TRA2B: variants seen among roughly 807,000 people sequenced by gnomAD.
TRA2B encodes transformer 2 beta homolog.
TRA2B carries 14 observed loss-of-function variants against 41.7 expected under a neutral mutation model. The observed-to-expected ratio is 0.34, with a 90% CI of 0.22 to 0.53. TRA2B has a LOEUF of 0.53. Among genes scored for constraint, TRA2B ranks in the 20% least tolerant of loss-of-function variants. The pLI, the probability that TRA2B is intolerant of heterozygous loss-of-function variation, is 0.95. For synonymous variants in TRA2B, 130 were observed against 128.8 expected, an observed-to-expected ratio of 1.01 and a Z score of -0.06; for missense variants, 167 against 396.8, an observed-to-expected ratio of 0.42 and a Z score of 4.92.
rs1743520061 is a variant in TRA2B at position 185,916,883 on chromosome 3, A to G, written c.*832T>C. 1 of 152,338 alleles carries G rather than the reference A, an allele frequency of 6.6e-6. No individual in the cohort carries two copies. The highest frequency in any genetic ancestry group is 2.4e-5 in the African/African-American group (1 of 41,310). 9.4% of individuals were successfully genotyped at this position (152,338 alleles called of 1,614,324 possible). A position where few individuals can be genotyped will look rare whatever the true frequency, so the allele number is the denominator to read the frequency against. On this transcript the variant is annotated 3_prime_UTR_variant, in exon 9 of 9. Coordinates refer to ENST00000453386, the MANE Select transcript of TRA2B (RefSeq NM_004593.3). ...AGTCTTCAGTTCATCCATGACAGGT[A>G]TAGTGTTCCCTTATCATGTACTTTG...
At chr3:185,935,148 G>A (rs781643802) in intron 1 of TRA2B, 28 of 985,272 alleles carry the variant, frequency 2.8e-5, no homozygotes, top group Non-Finnish European at 3.4e-5. Flanking sequence ...GTGACTTAAA[G>A]GCCAGGAGTG....
chr3:185,920,564 TA>T (rs1385970514), intron 6 of TRA2B, among the ~76,000 whole-genome samples: 1 of 152,152 alleles, frequency 6.6e-6, no homozygotes, highest in Non-Finnish European at 1.5e-5. Flanking sequence ...TTCATTTATT[TA>T]TTTTTTTTTT....
chr3:185,925,757 G>A (rs1390698809), intron 2 of TRA2B, 131 bp from the exon 3 acceptor site: 59 of 897,978 alleles, frequency 6.6e-5, no homozygotes, highest in Non-Finnish European at 8.8e-5. Context: ...AATTTAGTAG[G>A]ATCAATACTT....
intron 1 of TRA2B, chr3:185,926,988 G>T: frequency 2.6e-6 from 1 of 388,320 alleles, no homozygotes; most frequent in East Asian, 5.5e-5. Flanking sequence ...CTTCAGAAAG[G>T]GGTGCCAAAG....
At chr3:185,930,559 T>C (rs1450936874) in intron 1 of TRA2B, among the ~76,000 whole-genome samples, 1 of 152,192 alleles carries the variant, frequency 6.6e-6, no homozygotes, top group African/African-American at 2.4e-5. Flanking sequence ...ATGATACCCT[T>C]GGCATTCTCA....
rs1476126626 is a variant in TRA2B, at chr3:185,926,573, G to A, written c.170+28C>T. 5 of 1,612,460 alleles carry A rather than the reference G, an allele frequency of 3.1e-6. No individual in the cohort carries two copies. The South Asian group carries it at 4.4e-5, about 14-fold the overall frequency. ...CACCAATTTCAGAGCTAAGAGTAACGAGGAAATCTCAAGACAGTCTTTCTT... is the reference window on the plus strand; with the variant it reads ...CACCAATTTCAGAGCTAAGAGTAACAAGGAAATCTCAAGACAGTCTTTCTT... On this transcript the variant is annotated intron_variant, in intron 2 of 8. Transcript: ENST00000453386.
In TRA2B at chr3:185,935,075, C is replaced by T. The variant is rs542506492; in HGVS notation, c.36+2750G>A. Reference sequence around the variant, plus strand: ...ATCTCACACAACCTATACGCTGTGACCATTATTGGGCTCTAAAGATTACCC... The same window carrying T: ...ATCTCACACAACCTATACGCTGTGATCATTATTGGGCTCTAAAGATTACCC... On this transcript the variant is annotated intron_variant, in intron 1 of 8. Transcript: ENST00000453386. 3.2e-5 allele frequency: 32 copies of T among 985,394 alleles called. No individual in the cohort carries two copies. The South Asian group carries it at 1.3e-3, about 40-fold the overall frequency. 61.0% of individuals were successfully genotyped at this position (985,394 alleles called of 1,614,324 possible).
intron 1 of TRA2B, chr3:185,935,820 C>G (rs1013110659): frequency 4.1e-6 from 4 of 985,206 alleles, no homozygotes; most frequent in Middle Eastern, 5.2e-4. Context: ...CACGCAAACA[C>G]CAAACACAAC....
At chr3:185,926,377 G>A (rs781238978) in intron 2 of TRA2B, among the ~76,000 whole-genome samples, 1 of 152,160 alleles carries the variant, frequency 6.6e-6, no homozygotes, top group African/African-American at 2.4e-5. Context: ...AGCTAAAGCT[G>A]AAAGGTTAAT....
At chr3:185,925,973 T>C (rs1464485866) in intron 2 of TRA2B, among the ~76,000 whole-genome samples, 1 of 152,164 alleles carries the variant, frequency 6.6e-6, no homozygotes, top group Non-Finnish European at 1.5e-5. Flanking sequence ...ATGCCCACCA[T>C]TAATTTAATA....
At chr3:185,936,031 C>A (rs1484886799) in intron 1 of TRA2B, 26 of 985,298 alleles carry the variant, frequency 2.6e-5, no homozygotes, top group Admixed American at 6.1e-5. Context: ...AGCCGAGTCT[C>A]AAACTGGAAC....
At position 185,921,176 on chromosome 3, in the gene TRA2B, C is replaced by T. The variant is rs1167436888; in HGVS notation, c.650G>A (p.Arg217His). 5 of 1,613,946 alleles carry T rather than the reference C, an allele frequency of 3.1e-6. No individual in the cohort carries two copies. The highest frequency in any genetic ancestry group is 2.5e-6 in the Non-Finnish European group (3 of 1,179,992). ...TCCTCTGTCATAGTAATCCCGACGG[C>T]GAGAGCTGCCACTATGAAGAAAAAA... ...YMGRPTYGSS[R>H]RRDYYDRGYD... Residue 217 changes from arginine (R) to histidine (H), a missense_variant, in exon 6 of 9, where the codon CGC becomes CAC. Transcript: ENST00000453386.
intron 8 of TRA2B, 148 bp from the exon 9 acceptor site, chr3:185,917,873 TAA>T: frequency 2.8e-6 from 2 of 719,350 alleles, no homozygotes; most frequent in East Asian, 5.3e-5. Flanking sequence ...GACTTCCATG[TAA>T]GTATTACACC....
At chr3:185,931,780 T>A in intron 1 of TRA2B, 1 of 1,502,356 alleles carries the variant, frequency 6.7e-7, no homozygotes, top group Non-Finnish European at 8.8e-7. Flanking sequence ...CTTCACTTAT[T>A]CCTGAGCTTC....
At chr3:185,934,004 G>A (rs1318633378) in intron 1 of TRA2B, among the ~76,000 whole-genome samples, 1 of 152,038 alleles carries the variant, frequency 6.6e-6, no homozygotes. Context: ...CCAATTCAAA[G>A]CAAAGATTTT....
At chr3:185,936,017 CTT>C (rs1337671537) in intron 1 of TRA2B, 31 of 985,296 alleles carry the variant, frequency 3.1e-5, no homozygotes, top group Non-Finnish European at 3.7e-5. Context: ...TCAAATTTCT[CTT>C]GAGCCGAGTC....
intron 3 of TRA2B, 172 bp from the exon 4 acceptor site, chr3:185,924,156 G>A: frequency 2.1e-6 from 1 of 481,722 alleles, no homozygotes. Flanking sequence ...AGTATTTTTG[G>A]GAATGGGTAG....
chr3:185,935,020 C>A, intron 1 of TRA2B: 1 of 985,436 alleles, frequency 1.0e-6, no homozygotes, highest in African/African-American at 1.7e-5. Context: ...AGGCTCAGAA[C>A]ATTACACTGC....
At chr3:185,935,549 C>A (rs910129381) in intron 1 of TRA2B, 1 of 985,372 alleles carries the variant, frequency 1.0e-6, no homozygotes, top group Middle Eastern at 5.2e-4. Context: ...GTGGGGTTGT[C>A]TGGATTAGAG....
Sources: gnomAD v4.1 joint callset for allele counts (sites outside exome capture counted in the v4.1 genomes callset) on GRCh38, gnomAD v4.1.1 for gene constraint, MANE v1.5 for transcripts, NCBI Gene and HGNC (gene_info 2026-07-23, HGNC 2026-07-21) for gene names.